TBC1D1: variants seen among roughly 807,000 people sequenced by gnomAD.
TBC1D1 encodes TBC1 (tre-2/USP6, BUB2, cdc16) domain family, member 1.
Under a neutral mutation model 125.6 loss-of-function variants are expected in TBC1D1, and 89 were observed. The ratio of observed to expected loss-of-function variants is 0.71; its 90% CI spans 0.60 to 0.85. The LOEUF is 0.85. TBC1D1 is among the 40% of genes least tolerant of loss of function. The pLI, the probability that TBC1D1 is intolerant of heterozygous loss-of-function variation, is 0.00. For missense variants in TBC1D1, 1,377 were observed against 1,469.2 expected (o/e 0.94, Z 1.03); for synonymous variants, 565 against 564.1 (o/e 1.00, Z -0.02).
chr4:38,135,924 ATGTGTGTGTGTGTG>A (rs57275262), intron 19 of TBC1D1, among the ~76,000 whole-genome samples: 2 of 144,982 alleles, frequency 1.4e-5, no homozygotes, highest in South Asian at 2.2e-4. Context: ...GTGTGTGTAT[ATGTGTGTGTGTGTG>A]TGTGTGTGTG....
intron 7 of TBC1D1, among the ~76,000 whole-genome samples, chr4:38,028,948 AAAAC>A (rs1218633571): frequency 1.3e-5 from 2 of 152,166 alleles, no homozygotes; most frequent in Non-Finnish European, 2.9e-5. Flanking sequence ...CAAACCTACA[AAAAC>A]AAAACAAAAT....
At chr4:38,054,066 A>G in intron 11 of TBC1D1, 133 bp from the exon 14 acceptor site, 1 of 984,474 alleles carries the variant, frequency 1.0e-6, no homozygotes, top group Non-Finnish European at 1.5e-6. Context: ...AGCTTGATAT[A>G]ACTTCTGTGA....
chr4:37,923,538 G>A (rs1721452269), intron 2 of TBC1D1, among the ~76,000 whole-genome samples: 1 of 152,178 alleles, frequency 6.6e-6, no homozygotes, highest in Non-Finnish European at 1.5e-5. Flanking sequence ...ACTTATTGGA[G>A]CTGGAAGTCT....
chr4:38,036,814 G>A (rs1747308954), intron 8 of TBC1D1, among the ~76,000 whole-genome samples: 1 of 152,070 alleles, frequency 6.6e-6, no homozygotes, highest in African/African-American at 2.4e-5. Context: ...GTGTTTTTTG[G>A]GGTTTTGACT....
chr4:37,986,955 C>T (rs1220449011), intron 2 of TBC1D1, among the ~76,000 whole-genome samples: 1 of 152,110 alleles, frequency 6.6e-6, no homozygotes, highest in Non-Finnish European at 1.5e-5. Flanking sequence ...TGCAAGTTGC[C>T]AATGTCTAAT....
At chr4:38,017,837 A>G (rs2152431941) in intron 3 of TBC1D1, among the ~76,000 whole-genome samples, 1 of 152,322 alleles carries the variant, frequency 6.6e-6, no homozygotes. Flanking sequence ...GTCTCCTATA[A>G]TGCATGTCTA....
In TBC1D1 at chr4:37,902,172, T is replaced by C; in HGVS notation, c.77T>C (p.Val26Ala). The C allele has an allele frequency of 1.2e-6, 2 of 1,612,624 alleles. No individual in the cohort carries two copies. The highest frequency in any genetic ancestry group is 1.7e-6 in the Non-Finnish European group (2 of 1,179,438). ...TCGGTGGATTTTGGCCTGCAGCTGG[T>C]GGGCTCCCTGCCTGTGCATTCCCTG... Residue 26 changes from valine to alanine, a missense_variant, in exon 2 of 20, where the codon GTG (valine) becomes GCG (alanine). Physicochemically the swap from Val to Ala is moderately conservative, Grantham distance 64. Transcript: ENST00000261439.
At chr4:38,094,137 C>A (rs1000878997) in intron 13 of TBC1D1, among the ~76,000 whole-genome samples, 6 of 151,940 alleles carry the variant, frequency 3.9e-5, no homozygotes, top group African/African-American at 9.7e-5. Context: ...ATTGCTGAGC[C>A]TCCCAGCCTA....
intron 6 of TBC1D1, among the ~76,000 whole-genome samples, chr4:38,023,777 C>G (rs1393039960): frequency 6.6e-6 from 1 of 152,186 alleles, no homozygotes; most frequent in African/African-American, 2.4e-5. Flanking sequence ...GCTATGAATG[C>G]TGACGTGCAA....
chr4:38,007,718 T>C (rs1740628143), intron 2 of TBC1D1, among the ~76,000 whole-genome samples: 1 of 152,238 alleles, frequency 6.6e-6, no homozygotes, highest in South Asian at 2.1e-4. Context: ...CTTTTTTGTC[T>C]TTGCCAGTTT....
At chr4:38,101,887 T>C (rs1230158871) in intron 14 of TBC1D1, among the ~76,000 whole-genome samples, 1 of 152,170 alleles carries the variant, frequency 6.6e-6, no homozygotes, top group African/African-American at 2.4e-5. Flanking sequence ...GTTCCCTCTC[T>C]CTTGTACTTT....
At chr4:37,960,928 C>A in intron 2 of TBC1D1, 7 of 1,614,178 alleles carry the variant, frequency 4.3e-6, no homozygotes, top group Non-Finnish European at 5.9e-6. Context: ...GGCCCCCCTT[C>A]ACCTGTGAAA....
At chr4:38,053,144 C>A (rs1194050000) in intron 11 of TBC1D1, 1 of 1,535,786 alleles carries the variant, frequency 6.5e-7, no homozygotes, top group Non-Finnish European at 8.8e-7. Flanking sequence ...AAACTTCATT[C>A]TTCTTCCTCT....
intron 14 of TBC1D1, among the ~76,000 whole-genome samples, chr4:38,102,658 C>T (rs958799191): frequency 8.6e-5 from 13 of 151,936 alleles, no homozygotes; most frequent in Admixed American, 5.2e-4. Flanking sequence ...GCAGGAGTAT[C>T]GCTTGAGCCC....
chr4:38,083,342 A>G (rs1051073431), intron 12 of TBC1D1, among the ~76,000 whole-genome samples: 1 of 152,220 alleles, frequency 6.6e-6, no homozygotes, highest in Non-Finnish European at 1.5e-5. Context: ...GGCGCATACT[A>G]TCTGGTCGTT....
In TBC1D1 at chr4:37,927,452, A is replaced by T. The variant is rs1722361345; in HGVS notation, c.417+24940A>T. On this transcript the variant is annotated intron_variant, in intron 2 of 19. Coordinates refer to ENST00000261439, the MANE Select transcript of TBC1D1 (RefSeq NM_015173.4). ...CCTGAAGAGTCTCTCTCTTATATCT[A>T]TTGCTGTTTAACTCATATTTTCTTT... Among the ~76,000 whole-genome samples the T allele has an allele frequency of 1.3e-5, 2 of 152,020 alleles. 1 individual carries two copies. Among genetic ancestry groups the T allele is most frequent in the South Asian group, 4.1e-4 (2 of 4,824 alleles).
intron 2 of TBC1D1, among the ~76,000 whole-genome samples, chr4:37,997,063 T>C (rs1014093054): frequency 6.6e-6 from 1 of 152,264 alleles, no homozygotes; most frequent in Non-Finnish European, 1.5e-5. Flanking sequence ...CCGTACTGTG[T>C]CCACATATGT....
At chr4:37,996,072 C>A in intron 2 of TBC1D1, 1 of 515,996 alleles carries the variant, frequency 1.9e-6, no homozygotes, top group Non-Finnish European at 3.9e-6. Flanking sequence ...TTTTGCAAGG[C>A]CTATGTGGGT....
rs566919546 is a variant in TBC1D1 at position 38,051,500 on chromosome 4, G to A, written c.1910+1602G>A. Among the ~76,000 whole-genome samples the A allele has an allele frequency of 2.6e-5, 4 of 152,206 alleles. No individual in the cohort carries two copies. In the East Asian group the frequency reaches 5.8e-4, roughly 22 times the overall value. On this transcript the variant is annotated intron_variant, in intron 11 of 19. Transcript: ENST00000261439. ...GAAAGAAATATTATTGTTCCTGGGC[G>A]AAGTGGCTCACTCCTGTAATCCCAG...
Sources: gnomAD v4.1 joint callset for allele counts (sites outside exome capture counted in the v4.1 genomes callset) on GRCh38, gnomAD v4.1.1 for gene constraint, MANE v1.5 for transcripts, NCBI Gene and HGNC (gene_info 2026-07-23, HGNC 2026-07-21) for gene names.